ABCC2: variants seen among roughly 807,000 people sequenced by gnomAD.
ABCC2 encodes the protein ATP-binding cassette sub-family C member 2.
Under a neutral mutation model 173.4 loss-of-function variants are expected in ABCC2, and 157 were observed. The ratio of observed to expected loss-of-function variants is 0.91; its 90% CI spans 0.80 to 1.03. The LOEUF (loss-of-function observed/expected upper bound fraction) is 1.03, where lower values mean the gene tolerates loss of function less well. ABCC2 is among the 50% of genes least tolerant of loss of function. The pLI is 0.00. For synonymous variants in ABCC2, 657 were observed against 693.5 expected (o/e 0.95, Z 0.83); for missense variants, 1,822 against 1,852.3 (o/e 0.98, Z 0.30).
chr10:99,789,628 T>C (rs560278934), intron 2 of ABCC2, among the ~76,000 whole-genome samples: 2 of 144,904 alleles, frequency 1.4e-5, no homozygotes, highest in Non-Finnish European at 3.0e-5. Context: ...GGCAGGAGAA[T>C]CACTTGAACC....
At chr10:99,820,711 G>A (rs916395851) in intron 19 of ABCC2, among the ~76,000 whole-genome samples, 7 of 152,192 alleles carry the variant, frequency 4.6e-5, no homozygotes, top group African/African-American at 1.7e-4. Flanking sequence ...CCAGGAGAGT[G>A]GGGCAGGAGT....
rs569268068 is a variant in ABCC2 at position 99,814,321 on chromosome 10, G to A, written c.2094+1177G>A. On this transcript the variant is annotated intron_variant, in intron 16 of 31. Coordinates refer to ENST00000647814, the MANE Select transcript of ABCC2 (RefSeq NM_000392.5). Reference sequence around the variant, plus strand: ...TGTATACACACATGTATATACACACGTATGTATACACACATGTATATATAC... The same window carrying A: ...TGTATACACACATGTATATACACACATATGTATACACACATGTATATATAC... 8.3e-4 allele frequency among the ~76,000 whole-genome samples: 113 copies of A among 136,528 alleles called. 12 individuals are homozygous for A. Among genetic ancestry groups the A allele is most frequent in the African/African-American group, 3.1e-3 (109 of 35,538 alleles). The allele number at this position is 136,528 out of a possible 152,430, so 89.6% of individuals were successfully genotyped here.
At chr10:99,842,220 T>A in intron 26 of ABCC2, 127 bp downstream of exon 26, 1 of 1,350,922 alleles carries the variant, frequency 7.4e-7, no homozygotes, top group Non-Finnish European at 1.0e-6. Flanking sequence ...AGACTGAGGT[T>A]CAAACCCTGG....
In ABCC2 at chr10:99,813,141, C is replaced by G; in HGVS notation, c.2091C>G (p.Ile697Met). ...AAAATGTCCACGGGCACATCACCAT[C>G]AAGGTGAGAGGGAATGCCAATGCAA... Reference protein sequence around the residue: ...EMENVHGHITIKGTTAYVPQQ... With the variant: ...EMENVHGHITMKGTTAYVPQQ... The change falls in exon 16 of 32, where the codon ATC becomes ATG. Residue 697 changes from isoleucine to methionine, a missense_variant. Ile to Met is a conservative substitution (Grantham distance 10, BLOSUM62 1). Transcript: ENST00000647814. The G allele has an allele frequency of 6.2e-7, 1 of 1,613,592 alleles. No homozygotes were observed. Among genetic ancestry groups the G allele is most frequent in the Non-Finnish European group, 8.5e-7 (1 of 1,179,730 alleles).
intron 29 of ABCC2, among the ~76,000 whole-genome samples, chr10:99,846,111 T>C (rs2039013401): frequency 6.6e-6 from 1 of 152,238 alleles, no homozygotes; most frequent in South Asian, 2.1e-4. Context: ...CCGCTGAAGC[T>C]TGAAGCCATT....
chr10:99,814,334 CATGT>C (rs1343441391), intron 16 of ABCC2, among the ~76,000 whole-genome samples: 2 of 140,636 alleles, frequency 1.4e-5, no homozygotes, highest in African/African-American at 5.4e-5. Flanking sequence ...TGTATACACA[CATGT>C]ATATATACAC....
At chr10:99,840,256 G>GGCGGCT (rs2038912934) in intron 25 of ABCC2, among the ~76,000 whole-genome samples, 2 of 137,534 alleles carry the variant, frequency 1.5e-5, no homozygotes, top group South Asian at 4.8e-4. Flanking sequence ...GTCGGGCGGC[G>GGCGGCT]GCGGCTGCGG....
At position 99,831,669 on chromosome 10, in the gene ABCC2, T is replaced by C. The variant is rs767455559; in HGVS notation, c.2942T>C (p.Phe981Ser). The C allele has an allele frequency of 6.8e-6, 11 of 1,614,102 alleles. No individual in the cohort carries two copies. In the African/African-American group the frequency reaches 1.5e-4, roughly 22 times the overall value. Residue 981 changes from phenylalanine (F) to serine (S), a missense_variant, in exon 22 of 32, where the codon TTC becomes TCC. By Grantham distance (155) the Phe-to-Ser change is radical. Transcript: ENST00000647814. Reference sequence around the variant, plus strand: ...GCAATAGGATTGTTTTCGATATTCTTCATCATCCTTGCGTTTGTGATGAAT... The same window carrying C: ...GCAATAGGATTGTTTTCGATATTCTCCATCATCCTTGCGTTTGTGATGAAT... ...LQAIGLFSIF[F>S]IILAFVMNSV...
At chr10:99,783,963 G>A (rs928201089) in intron 1 of ABCC2, among the ~76,000 whole-genome samples, 12 of 151,698 alleles carry the variant, frequency 7.9e-5, no homozygotes, top group Middle Eastern at 3.4e-3. Context: ...ACACTCATGT[G>A]ACTCAGATAC....
intron 23 of ABCC2, among the ~76,000 whole-genome samples, chr10:99,833,153 T>G (rs1052517565): frequency 6.6e-6 from 1 of 152,204 alleles, no homozygotes; most frequent in African/African-American, 2.4e-5. Flanking sequence ...GGCCATTAAC[T>G]GGTCCCCCTG....
intron 30 of ABCC2, among the ~76,000 whole-genome samples, chr10:99,848,188 C>G (rs1367599975): frequency 2.0e-5 from 3 of 152,206 alleles, no homozygotes; most frequent in Non-Finnish European, 4.4e-5. Context: ...ATGCGGATGA[C>G]AGGGAACGTG....
At chr10:99,812,337 T>C (rs1264275309) in intron 15 of ABCC2, among the ~76,000 whole-genome samples, 2 of 152,190 alleles carry the variant, frequency 1.3e-5, no homozygotes, top group Non-Finnish European at 2.9e-5. Context: ...GTTATAGGTC[T>C]GGAAGAAATT....
rs1362303690 is a variant in ABCC2, at chr10:99,831,729, G to T, written c.3002G>T (p.Ser1001Ile). ...VAFIGSNLWL[S>I]AWTSDSKIFN... The stretch of plus-strand genomic sequence containing the variant: ...TTTATTGGATCCAACCTCTGGCTCA[G>T]TGCTTGGACCAGTGACTCTAAAATC... Residue 1001 changes from serine (S) to isoleucine (I), a missense_variant, in exon 22 of 32, where the codon AGT becomes ATT. Coordinates refer to ENST00000647814, the MANE Select transcript of ABCC2 (RefSeq NM_000392.5). 1 of 1,614,214 alleles carries T rather than the reference G, an allele frequency of 6.2e-7. No homozygotes were observed. Among genetic ancestry groups the T allele is most frequent in the Admixed American group, 1.7e-5 (1 of 60,032 alleles).
chr10:99,841,941 C>T, intron 25 of ABCC2, 26 bp from the exon 26 acceptor site: 1 of 1,614,078 alleles, frequency 6.2e-7, no homozygotes, highest in South Asian at 1.1e-5. Flanking sequence ...CAGTGACACG[C>T]ACTCTCTGGT....
At chr10:99,830,582 A>G (rs950454423) in intron 20 of ABCC2, 134 bp from the exon 21 acceptor site, 2 of 1,561,110 alleles carry the variant, frequency 1.3e-6, no homozygotes, top group Non-Finnish European at 1.8e-6. Context: ...ATGGGGAAAG[A>G]TCGGGGTTGT....
rs2132974204 is a variant in ABCC2 at position 99,793,943 on chromosome 10, T to C, written c.520T>C (p.Phe174Leu). 1.2e-6 allele frequency: 2 copies of C among 1,614,046 alleles called. No homozygotes were observed. The highest frequency in any genetic ancestry group is 4.5e-5 in the East Asian group (2 of 44,884). Residue 174 changes from phenylalanine to leucine, a missense_variant, in exon 5 of 32, where the codon TTC becomes CTC. Coordinates refer to ENST00000647814, the MANE Select transcript of ABCC2 (RefSeq NM_000392.5). ...YSCLFFISYG[F>L]QILILIFSAF... ...CTGCCTGTTCTTCATCTCCTACGGATTCCAGATCCTGATCCTGATCTTTTC... is the reference window on the plus strand; with the variant it reads ...CTGCCTGTTCTTCATCTCCTACGGACTCCAGATCCTGATCCTGATCTTTTC...
At chr10:99,843,705 G>A (rs991975923) in intron 26 of ABCC2, 94 bp from the exon 27 acceptor site, 5 of 994,330 alleles carry the variant, frequency 5.0e-6, no homozygotes, top group Non-Finnish European at 8.1e-6. Context: ...CACAGTGCTG[G>A]GTACAAAGTC....
rs1017698433 is a variant in ABCC2, at chr10:99,815,481, C to T, written c.2095-1827C>T. 2.6e-5 allele frequency among the ~76,000 whole-genome samples: 4 copies of T among 152,052 alleles called. No homozygotes were observed. In the East Asian group the frequency reaches 5.8e-4, roughly 22 times the overall value. ...AAAGTGCTGGGATTATATGGGTAAG[C>T]CACTGGGACTGGCTAATTATGCTTT... On this transcript the variant is annotated intron_variant, in intron 16 of 31. Transcript: ENST00000647814.
intron 2 of ABCC2, 65 bp from the exon 3 acceptor site, chr10:99,792,169 C>A: frequency 6.2e-7 from 1 of 1,606,178 alleles, no homozygotes; most frequent in South Asian, 1.1e-5. Context: ...CACCGGAAAC[C>A]ATTCTGTTCT....
Sources: allele counts gnomAD v4.1 joint callset (sites outside exome capture counted in the v4.1 genomes callset), GRCh38; gene constraint gnomAD v4.1.1; transcripts MANE v1.5; gene names NCBI Gene and HGNC (gene_info 2026-07-23, HGNC 2026-07-21).